LMBR1L: variants seen among roughly 807,000 people sequenced by gnomAD.
The protein encoded by LMBR1L is protein LMBR1L.
A neutral mutation model predicts 67.3 loss-of-function variants in LMBR1L; 47 were observed. The observed-to-expected ratio is 0.70, with a 90% confidence interval of 0.55 to 0.89. The LOEUF is 0.89. Ranked by LOEUF, LMBR1L falls within the 40% of genes least tolerant of loss-of-function variation. LMBR1L has a pLI of 0.00. For synonymous variants in LMBR1L, 247 were observed against 250.3 expected (o/e 0.99, Z 0.13); for missense variants, 533 against 599.2 (o/e 0.89, Z 1.15).
intron 3 of LMBR1L, among the ~76,000 whole-genome samples, chr12:49,105,453 G>T (rs1254251326): frequency 1.3e-5 from 2 of 152,158 alleles, no homozygotes; most frequent in Non-Finnish European, 2.9e-5. Flanking sequence ...GCTGCCTTCT[G>T]ATCTATTGAC....
At chr12:49,104,356 A>C in intron 5 of LMBR1L, 92 bp downstream of exon 5, 1 of 966,702 alleles carries the variant, frequency 1.0e-6, no homozygotes, top group East Asian at 2.4e-5. Flanking sequence ...CGTTAACTAA[A>C]CCTCTGCAAA....
Position 49,104,503 on chromosome 12 carries a change from A to T in LMBR1L, c.380T>A (p.Leu127His). 1 of 1,614,142 alleles carries T rather than the reference A, an allele frequency of 6.2e-7. No individual in the cohort carries two copies. The highest frequency in any genetic ancestry group is 8.5e-7 in the Non-Finnish European group (1 of 1,180,000). The change falls in exon 5 of 17, where the codon CTC becomes CAC. Residue 127 changes from leucine to histidine, a missense_variant. Leu to His is a moderately conservative substitution (Grantham distance 99, BLOSUM62 -3). This residue lies in a region of LMBR1L where 246 missense variants were observed against 249.0 expected (regional missense o/e 0.99). Transcript: ENST00000267102. Reference sequence around the variant, plus strand: ...AGTGAAGAAATATGCAAAGGGCATGAGGAAGATGAGGGACAGGTTGGAGAA... The same window carrying T: ...AGTGAAGAAATATGCAAAGGGCATGTGGAAGATGAGGGACAGGTTGGAGAA... ...FLFSNLSLIF[L>H]MPFAYFFTES...
chr12:49,099,123 AT>A (rs35643504), intron 15 of LMBR1L, among the ~76,000 whole-genome samples: 1,108 of 101,952 alleles, frequency 0.011, 10 homozygotes, highest in African/African-American at 0.038. Flanking sequence ...CTCACAGCTG[AT>A]TTTTTTTTTT....
At chr12:49,106,422 G>C (rs542130668) in intron 2 of LMBR1L, 10 of 455,708 alleles carry the variant, frequency 2.2e-5, no homozygotes, top group Non-Finnish European at 4.0e-5. Flanking sequence ...CCTAAGAGGA[G>C]GAAAGGCTGG....
intron 6 of LMBR1L, 87 bp downstream of exon 6, chr12:49,103,600 C>T: frequency 6.7e-7 from 1 of 1,484,528 alleles, no homozygotes; most frequent in African/African-American, 1.4e-5. Context: ...CCAACATTTT[C>T]CACTTTAGAA....
intron 1 of LMBR1L, chr12:49,110,237 A>AGGGGGGGGGGGGGG: frequency 6.9e-6 from 2 of 289,324 alleles, no homozygotes; most frequent in Middle Eastern, 7.3e-4. Context: ...GGTGGGAGGG[A>AGGGGGGGGGGGGGG]GGGGCAGGGG....
At chr12:49,100,532 C>T in intron 14 of LMBR1L, 24 bp downstream of exon 14, 1 of 1,610,730 alleles carries the variant, frequency 6.2e-7, no homozygotes, top group Non-Finnish European at 8.5e-7. Context: ...CCCCCGGGAG[C>T]TTCCCTTACT....
chr12:49,097,327 G>A lies in LMBR1L; in HGVS notation c.*345C>T. 3.7e-6 allele frequency: 1 copy of A among 273,410 alleles called. No homozygotes were observed. Among genetic ancestry groups the A allele is most frequent in the Non-Finnish European group, 7.3e-6 (1 of 136,584 alleles). The allele number at this position is 273,410 out of a possible 1,614,324, so 16.9% of individuals were successfully genotyped here. A position where few individuals can be genotyped will look rare whatever the true frequency, so the allele number is the denominator to read the frequency against. The stretch of plus-strand genomic sequence containing the variant: ...CCTGCCCTGGCCCAGTCCTTTCCCT[G>A]CCCCTACCCCACCCTATTGCACATC... On this transcript the variant is annotated 3_prime_UTR_variant, in exon 17 of 17. Coordinates refer to ENST00000267102, the MANE Select transcript of LMBR1L (RefSeq NM_018113.4).
In LMBR1L at chr12:49,101,409, C is replaced by T. The variant is rs749816478; in HGVS notation, c.1008+63G>A. The T allele has an allele frequency of 6.9e-6, 11 of 1,602,716 alleles. No homozygotes were observed. The Admixed American group carries it at 1.8e-4, about 27-fold the overall frequency. ...GCCTTCCCACTGTCCTCAGCTTCTG[C>T]CTCCTCTCCCCAGCTGTTCTTAGGC... On this transcript the variant is annotated intron_variant, in intron 12 of 16. Coordinates refer to ENST00000267102, the MANE Select transcript of LMBR1L (RefSeq NM_018113.4).
intron 1 of LMBR1L, among the ~76,000 whole-genome samples, chr12:49,109,247 T>C (rs1456937878): frequency 6.6e-6 from 1 of 152,100 alleles, no homozygotes; most frequent in Admixed American, 6.5e-5. Context: ...CAAGGTCTCA[T>C]CCCTCCCTGT....
intron 6 of LMBR1L, 21 bp downstream of exon 6, chr12:49,103,666 G>A (rs1940514337): frequency 1.9e-6 from 3 of 1,603,328 alleles, no homozygotes; most frequent in East Asian, 2.2e-5. Context: ...CATGCAGCCT[G>A]GAGGAAGCTG....
In LMBR1L at chr12:49,103,124, A is replaced by ATGAG. The variant is rs1296564910; in HGVS notation, c.594_597dup (p.Cys200LeufsTer49). ...AGCAGAACCCCAAGGAAGGAGATGCATGAGTAGAGGTAGGGGAGATAGTAC... is the reference window on the plus strand; with the variant it reads ...AGCAGAACCCCAAGGAAGGAGATGCATGAGTGAGTAGAGGTAGGGGAGATAGTAC... On this transcript the variant is annotated frameshift_variant, in exon 7 of 17. Coordinates refer to ENST00000267102, the MANE Select transcript of LMBR1L (RefSeq NM_018113.4). LOFTEE classifies it high-confidence loss of function. 4 of 1,614,114 alleles carry ATGAG rather than the reference A, an allele frequency of 2.5e-6. No individual in the cohort carries two copies. The South Asian group carries it at 4.4e-5, about 18-fold the overall frequency.
intron 13 of LMBR1L, 118 bp downstream of exon 13, chr12:49,101,132 A>G (rs545563824): frequency 1.3e-6 from 2 of 1,593,246 alleles, no homozygotes; most frequent in Non-Finnish European, 1.7e-6. Flanking sequence ...AACTTGCCCC[A>G]CTTCCCATCA....
At chr12:49,108,907 CAG>C in intron 1 of LMBR1L, among the ~76,000 whole-genome samples, 1 of 152,162 alleles carries the variant, frequency 6.6e-6, no homozygotes. Flanking sequence ...GAAGAATCCA[CAG>C]AGACGCAGGA....
chr12:49,097,619 C>T lies in LMBR1L; in HGVS notation c.*53G>A. 1 of 1,583,204 alleles carries T rather than the reference C, an allele frequency of 6.3e-7. No homozygotes were observed. The highest frequency in any genetic ancestry group is 8.7e-7 in the Non-Finnish European group (1 of 1,154,598). ...AGTAGCCTTGGGCTTCCCTCCAGGC[C>T]TAGGCAGCAGATGGCAGTGTCCAGT... On this transcript the variant is annotated 3_prime_UTR_variant, in exon 17 of 17. Coordinates refer to ENST00000267102, the MANE Select transcript of LMBR1L (RefSeq NM_018113.4).
In LMBR1L at chr12:49,103,802, G is replaced by A; in HGVS notation, c.447C>T (p.Gly149=). ...GFAGSRKGVL[G]RVYETVVMLM... ...ACATCACCACTGTCTCATAGACCCG[G>A]CCCAGGACACCCTACGGGAGGAGGC... Residue 149 remains glycine, a synonymous_variant, in exon 6 of 17, where the codon GGC becomes GGT. Coordinates refer to ENST00000267102, the MANE Select transcript of LMBR1L (RefSeq NM_018113.4). 2 of 1,612,824 alleles carry A rather than the reference G, an allele frequency of 1.2e-6. No individual in the cohort carries two copies. Among genetic ancestry groups the A allele is most frequent in the Non-Finnish European group, 1.7e-6 (2 of 1,179,418 alleles).
chr12:49,109,283 C>T (rs180767796), intron 1 of LMBR1L, among the ~76,000 whole-genome samples: 5 of 152,258 alleles, frequency 3.3e-5, no homozygotes, highest in African/African-American at 1.2e-4. Context: ...GCCTCCAGCC[C>T]GACACTGTCT....
intron 8 of LMBR1L, 102 bp from the exon 9 acceptor site, chr12:49,102,642 C>T (rs565295886): frequency 2.3e-4 from 280 of 1,234,550 alleles, no homozygotes; most frequent in Non-Finnish European, 3.0e-4. Flanking sequence ...CCCAGGCTTC[C>T]CCCAGACCCT....
intron 2 of LMBR1L, chr12:49,106,377 G>T: frequency 2.7e-6 from 1 of 373,094 alleles, no homozygotes; most frequent in Middle Eastern, 9.6e-4. Flanking sequence ...CTCTTGGGTA[G>T]CTGCCTTGTT....
Sources: allele counts gnomAD v4.1 joint callset (sites outside exome capture counted in the v4.1 genomes callset), GRCh38; gene constraint gnomAD v4.1.1; regional missense constraint gnomAD v4.1.1; transcripts MANE v1.5; gene names NCBI Gene and HGNC (gene_info 2026-07-23, HGNC 2026-07-21).